BCAT1: variants seen among roughly 807,000 people sequenced by gnomAD.
BCAT1 encodes the protein branched-chain-amino-acid aminotransferase, cytosolic.
A neutral mutation model predicts 52.4 loss-of-function variants in BCAT1; 48 were observed. The ratio of observed to expected loss-of-function variants is 0.92; its 90% confidence interval spans 0.73 to 1.16. The LOEUF (loss-of-function observed/expected upper bound fraction) is 1.16. Among genes scored for constraint, BCAT1 ranks in the 50% most tolerant of loss-of-function variants. BCAT1 has a pLI of 0.00. For missense variants in BCAT1, 451 were observed against 457.1 expected (o/e 0.99, Z 0.12); for synonymous variants, 167 against 161.3 (o/e 1.04, Z -0.27).
At chr12:24,855,502 T>C (rs1941650189) in intron 5 of BCAT1, among the ~76,000 whole-genome samples, 1 of 152,102 alleles carries the variant, frequency 6.6e-6, no homozygotes, top group Non-Finnish European at 1.5e-5. Flanking sequence ...TGCCTCAGCC[T>C]CCTGAGGAGC....
intron 1 of BCAT1, among the ~76,000 whole-genome samples, chr12:24,946,732 A>C (rs1000845402): frequency 5.9e-5 from 9 of 152,130 alleles, no homozygotes; most frequent in African/African-American, 1.9e-4. Flanking sequence ...TTCTTTTTTC[A>C]GGGAGTTGCA....
chr12:24,865,048 C>T (rs1941965110), intron 5 of BCAT1, among the ~76,000 whole-genome samples: 1 of 152,146 alleles, frequency 6.6e-6, no homozygotes, highest in African/African-American at 2.4e-5. Context: ...TAAATGCTGA[C>T]CTGCCCCAGG....
chr12:24,837,147 A>AGGAAGAAAG (rs1591793395), intron 7 of BCAT1, among the ~76,000 whole-genome samples: 2 of 107,552 alleles, frequency 1.9e-5, no homozygotes, highest in African/African-American at 5.7e-5. Context: ...GAAGGAAGGA[A>AGGAAGAAAG]AGTTATCTAA....
At chr12:24,829,766 G>A (rs1465575408) in intron 10 of BCAT1, 57 bp downstream of exon 10, 3 of 1,348,408 alleles carry the variant, frequency 2.2e-6, no homozygotes, top group South Asian at 1.3e-5. Context: ...CAGAAATAAG[G>A]TGACATAAAA....
In BCAT1 at chr12:24,948,993, C is replaced by T; in HGVS notation, c.-61G>A. 6.4e-7 allele frequency: 1 copy of T among 1,559,850 alleles called. No homozygotes were observed. The highest frequency in any genetic ancestry group is 8.7e-7 in the Non-Finnish European group (1 of 1,149,510). ...GGAGGGCAGATCCCAAGGGTCGTAG[C>T]CCCTGGCCGTGTGGACCGGGTCTGC... On this transcript the variant is annotated 5_prime_UTR_variant, in exon 1 of 11. Coordinates refer to ENST00000261192, the MANE Select transcript of BCAT1 (RefSeq NM_005504.7).
At chr12:24,836,405 T>C (rs1940924489) in intron 8 of BCAT1, 106 bp downstream of exon 8, 1 of 936,780 alleles carries the variant, frequency 1.1e-6, no homozygotes, top group African/African-American at 1.7e-5. Context: ...AAAGATTAGA[T>C]AACATTGGTT....
intron 5 of BCAT1, among the ~76,000 whole-genome samples, chr12:24,866,483 G>A (rs1027629744): frequency 5.9e-5 from 9 of 152,342 alleles, no homozygotes; most frequent in Admixed American, 3.9e-4. Context: ...TGAGGAGTGC[G>A]GGTGCACGGC....
chr12:24,837,774 C>T (rs1460052449), intron 7 of BCAT1, among the ~76,000 whole-genome samples: 1 of 152,054 alleles, frequency 6.6e-6, no homozygotes, highest in Non-Finnish European at 1.5e-5. Context: ...GCATCAGCAA[C>T]AAGTATGGAG....
intron 10 of BCAT1, among the ~76,000 whole-genome samples, chr12:24,819,721 G>A (rs978533692): frequency 6.6e-6 from 1 of 152,114 alleles, no homozygotes; most frequent in Admixed American, 6.5e-5. Context: ...TATCCAAGTG[G>A]TAAAAATACT....
intron 9 of BCAT1, among the ~76,000 whole-genome samples, chr12:24,831,960 G>A (rs1940685332): frequency 6.6e-6 from 1 of 152,128 alleles, no homozygotes; most frequent in Non-Finnish European, 1.5e-5. Context: ...AATTCCTTTT[G>A]TAAGATTTTA....
chr12:24,854,114 A>G (rs1941596254), intron 5 of BCAT1, among the ~76,000 whole-genome samples: 1 of 152,276 alleles, frequency 6.6e-6, no homozygotes, highest in Non-Finnish European at 1.5e-5. Context: ...ATGGAAAATA[A>G]AAAGACATGT....
chr12:24,824,272 C>CCTTCAT (rs1477491998), intron 10 of BCAT1, among the ~76,000 whole-genome samples: 6 of 124,678 alleles, frequency 4.8e-5, no homozygotes, highest in African/African-American at 1.9e-4. Flanking sequence ...CCTTCATTCC[C>CCTTCAT]TCCCTCCCTC....
intron 2 of BCAT1, among the ~76,000 whole-genome samples, chr12:24,896,228 G>T (rs1942957790): frequency 6.6e-6 from 1 of 152,140 alleles, no homozygotes; most frequent in Non-Finnish European, 1.5e-5. Flanking sequence ...TTTATTTAAA[G>T]AAATATATTC....
intron 2 of BCAT1, among the ~76,000 whole-genome samples, chr12:24,896,393 A>G (rs1453434941): frequency 6.6e-6 from 1 of 152,200 alleles, no homozygotes; most frequent in Non-Finnish European, 1.5e-5. Context: ...CCATTCTTGT[A>G]TCTTCAGTGG....
At chr12:24,878,138 C>T (rs1424078632) in intron 5 of BCAT1, among the ~76,000 whole-genome samples, 3 of 144,364 alleles carry the variant, frequency 2.1e-5, no homozygotes, top group Non-Finnish European at 4.5e-5. Context: ...TAAGCGACAA[C>T]GTGGGCAAAA....
At chr12:24,947,773 T>A (rs940793117) in intron 1 of BCAT1, among the ~76,000 whole-genome samples, 1 of 152,252 alleles carries the variant, frequency 6.6e-6, no homozygotes, top group Admixed American at 6.5e-5. Flanking sequence ...TGTTCATTCT[T>A]AGTTTTCTCC....
intron 4 of BCAT1, 116 bp downstream of exon 4, chr12:24,881,185 T>C: frequency 1.4e-6 from 1 of 738,780 alleles, no homozygotes; most frequent in African/African-American, 1.8e-5. Context: ...AATGTTAATG[T>C]TCATATGGTT....
intron 8 of BCAT1, among the ~76,000 whole-genome samples, chr12:24,835,418 A>G (rs1228838930): frequency 1.3e-5 from 2 of 152,158 alleles, no homozygotes; most frequent in African/African-American, 4.8e-5. Context: ...AAGCCTTTTC[A>G]TGTTCTTTGG....
intron 1 of BCAT1, among the ~76,000 whole-genome samples, chr12:24,940,025 G>C (rs1282202541): frequency 6.6e-6 from 1 of 152,028 alleles, no homozygotes; most frequent in Non-Finnish European, 1.5e-5. Flanking sequence ...AAGGCTCACG[G>C]TAACTTTCTT....
Sources: gnomAD v4.1 joint callset for allele counts (sites outside exome capture counted in the v4.1 genomes callset) on GRCh38, gnomAD v4.1.1 for gene constraint, MANE v1.5 for transcripts, NCBI Gene and HGNC (gene_info 2026-07-23, HGNC 2026-07-21) for gene names.